The following SRP68 variants were observed in gnomAD, a reference collection of about 807,000 sequenced individuals.
SRP68 encodes the protein signal recognition particle subunit SRP68.
In SRP68, 15 loss-of-function variants were observed where a neutral mutation model predicts 82.2. That is an observed-to-expected ratio of 0.18 (90% CI 0.12 to 0.28). SRP68 has a LOEUF of 0.28. Ranked by LOEUF, SRP68 falls within the 10% of genes least tolerant of loss-of-function variation. The pLI is 1.00. For missense variants in SRP68, 595 were observed against 780.5 expected, an observed-to-expected ratio of 0.76 and a Z score of 2.83; for synonymous variants, 261 against 292.6, an observed-to-expected ratio of 0.89 and a Z score of 1.10.
chr17:76,067,808 T>C (rs2066818536), intron 2 of SRP68, among the ~76,000 whole-genome samples: 1 of 152,084 alleles, frequency 6.6e-6, no homozygotes, highest in Non-Finnish European at 1.5e-5. Flanking sequence ...GGCAATATGA[T>C]TGGTATTATA....
Position 76,038,968 on chromosome 17 carries a change from T to A in SRP68, c.*738A>T, listed in dbSNP as rs1184496230. ...GTCCTGAAAAATAGTGCCTCTAACA[T>A]GTGTATCTGGCATCAGCCTCACCTA... On this transcript the variant is annotated 3_prime_UTR_variant, in exon 16 of 16. Coordinates refer to ENST00000307877, the MANE Select transcript of SRP68 (RefSeq NM_014230.4). 6.2e-6 allele frequency: 1 copy of A among 162,082 alleles called. No individual in the cohort carries two copies. The highest frequency in any genetic ancestry group is 1.4e-5 in the Non-Finnish European group (1 of 73,372). The allele number at this position is 162,082 out of a possible 1,614,324, so 10.0% of individuals were successfully genotyped here. A position where few individuals can be genotyped will look rare whatever the true frequency, so the allele number is the denominator to read the frequency against.
intron 7 of SRP68, among the ~76,000 whole-genome samples, chr17:76,060,098 C>T (rs2066740723): frequency 2.6e-5 from 3 of 116,854 alleles, no homozygotes; most frequent in Admixed American, 1.3e-4. Context: ...CGCACTCCAG[C>T]CTGGGTGACA....
chr17:76,056,549 G>A (rs2144508015), intron 8 of SRP68, among the ~76,000 whole-genome samples: 1 of 152,286 alleles, frequency 6.6e-6, no homozygotes, highest in South Asian at 2.1e-4. Flanking sequence ...ACACAGACAA[G>A]GACACACATC....
intron 7 of SRP68, among the ~76,000 whole-genome samples, chr17:76,057,933 C>A (rs543633576): frequency 6.6e-6 from 1 of 151,620 alleles, no homozygotes; most frequent in South Asian, 2.1e-4. Flanking sequence ...CCTCAGCCTC[C>A]CAAAGTGCTG....
Position 76,040,998 on chromosome 17 carries a change from TG to T in SRP68, c.1525-21del, listed in dbSNP as rs748047393. ...CAGGTCCTGTAAGATTCAGAAAACG[TG>T]TACTCCCGAGCCAGGGCCAGGTCAG... On this transcript the variant is annotated intron_variant, in intron 13 of 15. Coordinates refer to ENST00000307877, the MANE Select transcript of SRP68 (RefSeq NM_014230.4). 14 of 1,610,442 alleles carry T rather than the reference TG, an allele frequency of 8.7e-6. No individual in the cohort carries two copies. The Admixed American group carries it at 1.3e-4, about 15-fold the overall frequency.
At chr17:76,064,648 C>T (rs1427653954) in intron 3 of SRP68, among the ~76,000 whole-genome samples, 1 of 152,034 alleles carries the variant, frequency 6.6e-6, no homozygotes, top group African/African-American at 2.4e-5. Context: ...CGAGATCAGC[C>T]TGGCCAACAT....
rs746496421 is a variant in SRP68, at chr17:76,046,210, A to C, written c.1143-16T>G. ...AGTCAGGTAGCTGGAATGCACCACA[A>C]GTCAGCTCAAGTTATACTCAGAGAA... On this transcript the variant is annotated splice_polypyrimidine_tract_variant and intron_variant, in intron 10 of 15. Transcript: ENST00000307877. 6 of 1,612,652 alleles carry C rather than the reference A, an allele frequency of 3.7e-6. No homozygotes were observed. The highest frequency in any genetic ancestry group is 4.2e-6 in the Non-Finnish European group (5 of 1,179,202).
At position 76,072,243 on chromosome 17, in the gene SRP68, C is replaced by T; in HGVS notation, c.184+65G>A. On this transcript the variant is annotated intron_variant, in intron 1 of 15. Transcript: ENST00000307877. This position sits in a 1 kb window ranked among gnomAD's most constrained non-coding sequence, Gnocchi z 4.5. ...GGACTTGTCGGGACCCGCCGCCTCT[C>T]CCGCCCCCAGCCCTCCAGTTCGACA... The T allele has an allele frequency of 1.3e-6, 2 of 1,599,390 alleles. No homozygotes were observed. The highest frequency in any genetic ancestry group is 1.7e-6 in the Non-Finnish European group (2 of 1,175,924).
At chr17:76,051,494 A>C (rs2066672058) in intron 8 of SRP68, among the ~76,000 whole-genome samples, 1 of 152,220 alleles carries the variant, frequency 6.6e-6, no homozygotes, top group Admixed American at 6.5e-5. Flanking sequence ...GCTCAAACGA[A>C]AACCCAGTGC....
chr17:76,061,996 C>G lies in SRP68; in HGVS notation c.562-422G>C, dbSNP rs150890311. Among the ~76,000 whole-genome samples, 737 of 150,468 alleles carry G rather than the reference C, an allele frequency of 4.9e-3. 9 individuals are homozygous for G. Among genetic ancestry groups the G allele is most frequent in the African/African-American group, 0.017 (702 of 40,964 alleles). ...TCTACCAAAAATTAAAAAAAAATTA[C>G]CCGGGTGTGGCCAGGCGCAGTGGCT... On this transcript the variant is annotated intron_variant, in intron 4 of 15. Transcript: ENST00000307877.
At chr17:76,043,694 G>A in intron 13 of SRP68, 135 bp downstream of exon 13, 2 of 907,190 alleles carry the variant, frequency 2.2e-6, no homozygotes, top group Non-Finnish European at 3.2e-6. Flanking sequence ...GGGCAGTCAG[G>A]GCTACACCAG....
Position 76,065,458 on chromosome 17 carries a change from A to G in SRP68, c.366-1287T>C, listed in dbSNP as rs1174032372. Among the ~76,000 whole-genome samples the G allele has an allele frequency of 4.0e-5, 6 of 150,162 alleles. No individual in the cohort carries two copies. The East Asian group carries it at 5.8e-4, about 15-fold the overall frequency. ...GTCTCAAAAAAAAAAAAAAAAAAAA[A>G]AGGGAGAGTCCAGATTTCTCCCAAC... On this transcript the variant is annotated intron_variant, in intron 3 of 15. Coordinates refer to ENST00000307877, the MANE Select transcript of SRP68 (RefSeq NM_014230.4).
At chr17:76,069,278 C>G (rs750511746) in intron 2 of SRP68, among the ~76,000 whole-genome samples, 1 of 151,498 alleles carries the variant, frequency 6.6e-6, no homozygotes, top group African/African-American at 2.4e-5. Context: ...GTCCCAGGTA[C>G]TCGGGAGGCT....
In SRP68 at chr17:76,072,223, T is replaced by G; in HGVS notation, c.184+85A>C. 6 of 1,594,898 alleles carry G rather than the reference T, an allele frequency of 3.8e-6. No homozygotes were observed. The South Asian group carries it at 6.8e-5, about 18-fold the overall frequency. ...ACCCTCGGCCTCTCCTGCCAGGACT[T>G]GTCGGGACCCGCCGCCTCTCCCGCC... On this transcript the variant is annotated intron_variant, in intron 1 of 15. Coordinates refer to ENST00000307877, the MANE Select transcript of SRP68 (RefSeq NM_014230.4). This position sits in a 1 kb window ranked among gnomAD's most constrained non-coding sequence, Gnocchi z 4.5.
chr17:76,067,939 C>G (rs1303018561), intron 2 of SRP68, among the ~76,000 whole-genome samples: 1 of 152,120 alleles, frequency 6.6e-6, no homozygotes, highest in Non-Finnish European at 1.5e-5. Flanking sequence ...GTTGAAAGGA[C>G]ATGGGTAATC....
intron 8 of SRP68, 150 bp downstream of exon 8, chr17:76,057,253 A>G (rs1456886508): frequency 5.0e-6 from 4 of 795,034 alleles, no homozygotes; most frequent in South Asian, 4.1e-5. Context: ...ATTTTATTCA[A>G]TAAGGCACAT....
rs1486336088 is a variant in SRP68 at position 76,062,727 on chromosome 17, TTTTATATATA to T, written c.562-1163_562-1154del. Among the ~76,000 whole-genome samples, 2 of 20,164 alleles carry T rather than the reference TTTTATATATA, an allele frequency of 9.9e-5. 1 individual carries two copies. Among genetic ancestry groups the T allele is most frequent in the African/African-American group, 6.5e-4 (2 of 3,096 alleles). 13.2% of individuals were successfully genotyped at this position (20,164 alleles called of 152,430 possible). A position where few individuals can be genotyped will look rare whatever the true frequency, so the allele number is the denominator to read the frequency against. Reference sequence around the variant, plus strand: ...TATATTATACAATATATTATATTTATTTTATATATATATATATATATATATATATATATAT... The same window carrying T: ...TATATTATACAATATATTATATTTATTATATATATATATATATATATATAT... On this transcript the variant is annotated intron_variant, in intron 4 of 15. Transcript: ENST00000307877.
At chr17:76,045,733 C>T (rs1226857376) in intron 11 of SRP68, among the ~76,000 whole-genome samples, 2 of 152,190 alleles carry the variant, frequency 1.3e-5, no homozygotes, top group African/African-American at 4.8e-5. Context: ...GTCCTACTGA[C>T]TGACAAACTC....
At chr17:76,063,168 A>C (rs1436291147) in intron 4 of SRP68, among the ~76,000 whole-genome samples, 1 of 152,126 alleles carries the variant, frequency 6.6e-6, no homozygotes, top group African/African-American at 2.4e-5. Context: ...TGATTTATTC[A>C]CTTCCCAGGA....
Sources: allele counts gnomAD v4.1 joint callset (sites outside exome capture counted in the v4.1 genomes callset), GRCh38; gene constraint gnomAD v4.1.1; non-coding constraint Gnocchi (gnomAD v3.1); transcripts MANE v1.5; gene names NCBI Gene and HGNC (gene_info 2026-07-23, HGNC 2026-07-21).